OTULINL: variants seen among roughly 807,000 people sequenced by gnomAD.
The protein encoded by OTULINL is OTU deubiquitinase with linear linkage specificity like.
OTULINL carries 42 observed loss-of-function variants against 43.9 expected under a neutral mutation model. The observed-to-expected ratio is 0.96, with a 90% confidence interval of 0.75 to 1.24. The LOEUF is 1.24. Among genes scored for constraint, OTULINL ranks in the 50% most tolerant of loss-of-function variants. The pLI is 0.00. For synonymous variants in OTULINL, 172 were observed against 153.6 expected, an observed-to-expected ratio of 1.12 and a Z score of -0.88; for missense variants, 411 against 426.4, an observed-to-expected ratio of 0.96 and a Z score of 0.32.
At chr5:14,595,612 A>G (rs1371818227) in intron 1 of OTULINL, among the ~76,000 whole-genome samples, 5 of 144,474 alleles carry the variant, frequency 3.5e-5, no homozygotes, top group Non-Finnish European at 6.0e-5. Context: ...AAAAAACACT[A>G]AGTAGAATTT....
intron 1 of OTULINL, among the ~76,000 whole-genome samples, chr5:14,588,905 C>A (rs551076580): frequency 1.3e-5 from 2 of 152,258 alleles, no homozygotes; most frequent in South Asian, 4.1e-4. Flanking sequence ...CACCCAGGGA[C>A]GATGGAATGA....
rs187507258 is a variant in OTULINL, at chr5:14,601,616, G to C, written c.348+174G>C. ...AATGGCTGTTAGACCTTGGCTTTGGGCTTTTACCTGGAGCTCGTGCCCTCA... is the reference window on the plus strand; with the variant it reads ...AATGGCTGTTAGACCTTGGCTTTGGCCTTTTACCTGGAGCTCGTGCCCTCA... On this transcript the variant is annotated intron_variant, in intron 4 of 7. Coordinates refer to ENST00000274217, the MANE Select transcript of OTULINL (RefSeq NM_019018.3). Among the ~76,000 whole-genome samples the C allele has an allele frequency of 2.0e-4, 30 of 152,332 alleles. No individual in the cohort carries two copies. The East Asian group carries it at 5.8e-3, about 29-fold the overall frequency.
At position 14,610,261 on chromosome 5, in the gene OTULINL, G is replaced by A; in HGVS notation, c.1018G>A (p.Glu340Lys). The change falls in exon 8 of 8, where the codon GAG (glutamate) becomes AAG (lysine). Residue 340 changes from glutamate (E) to lysine (K), a missense_variant. Glu to Lys is a moderately conservative substitution (Grantham distance 56). Coordinates refer to ENST00000274217, the MANE Select transcript of OTULINL (RefSeq NM_019018.3). The part of the protein sequence containing the change: ...YPEEPLRDWP[E>K]ISLLTENDRH... ...AGAGGAGCCTCTCAGGGACTGGCCG[G>A]AGATCTCCCTGCTGACCGAGAACGA... is the stretch of plus-strand genomic sequence containing the variant. 2 of 1,613,800 alleles carry A rather than the reference G, an allele frequency of 1.2e-6. No homozygotes were observed. The highest frequency in any genetic ancestry group is 8.5e-7 in the Non-Finnish European group (1 of 1,180,020).
chr5:14,615,565 A>AG lies in OTULINL; in HGVS notation c.*5255dup, dbSNP rs1759660109. On this transcript the variant is annotated 3_prime_UTR_variant, in exon 8 of 8. Transcript: ENST00000274217. ...CCTTAAATAAAAAGGGCCAGAGATG[A>AG]GGGGACGCCTGGTGAAAATGGTGTT... Among the ~76,000 whole-genome samples, 1 of 152,184 alleles carries AG rather than the reference A, an allele frequency of 6.6e-6. No individual in the cohort carries two copies. Among genetic ancestry groups the AG allele is most frequent in the East Asian group, 1.9e-4 (1 of 5,198 alleles).
chr5:14,586,322 G>A (rs1168465799), intron 1 of OTULINL, among the ~76,000 whole-genome samples: 1 of 152,172 alleles, frequency 6.6e-6, no homozygotes. Flanking sequence ...TTTTATGCTA[G>A]TAATAGTCCA....
intron 1 of OTULINL, among the ~76,000 whole-genome samples, chr5:14,588,473 T>C (rs548577265): frequency 6.6e-6 from 1 of 152,210 alleles, no homozygotes; most frequent in African/African-American, 2.4e-5. Context: ...CATGGTGTAA[T>C]TAAGGGAAGA....
chr5:14,596,770 C>T (rs1759295041), intron 1 of OTULINL, among the ~76,000 whole-genome samples: 2 of 152,136 alleles, frequency 1.3e-5, no homozygotes, highest in Middle Eastern at 3.4e-3. Flanking sequence ...CTGGGGAGTC[C>T]AAGAGCACAG....
At chr5:14,584,171 G>A (rs1010296911) in intron 1 of OTULINL, among the ~76,000 whole-genome samples, 2 of 152,166 alleles carry the variant, frequency 1.3e-5, no homozygotes, top group African/African-American at 4.8e-5. Context: ...CAGGGAGAAT[G>A]TGTGCACCCC....
chr5:14,614,711 C>G lies in OTULINL; in HGVS notation c.*4397C>G, dbSNP rs1759642610. 1 of 398,546 alleles carries G rather than the reference C, an allele frequency of 2.5e-6. No homozygotes were observed. Among genetic ancestry groups the G allele is most frequent in the African/African-American group, 2.1e-5 (1 of 48,626 alleles). 24.7% of individuals were successfully genotyped at this position (398,546 alleles called of 1,614,324 possible). On this transcript the variant is annotated 3_prime_UTR_variant, in exon 8 of 8. Coordinates refer to ENST00000274217, the MANE Select transcript of OTULINL (RefSeq NM_019018.3). ...AGCTCATGGAATGTGTTGGAGGAGA[C>G]TCAAGCTCCATGTGGGAACAGTGTG... is the stretch of plus-strand genomic sequence containing the variant.
intron 7 of OTULINL, 105 bp downstream of exon 7, chr5:14,609,122 C>A: frequency 1.8e-6 from 2 of 1,137,252 alleles, no homozygotes; most frequent in Non-Finnish European, 1.3e-6. Context: ...TAAGCGATTG[C>A]ACAGAGGTGG....
At chr5:14,602,058 T>G in intron 4 of OTULINL, 125 bp from the exon 5 acceptor site, 1 of 670,452 alleles carries the variant, frequency 1.5e-6, no homozygotes, top group East Asian at 2.9e-5. Context: ...GTCATATTCG[T>G]AATTTATCAT....
chr5:14,597,955 G>A (rs539772323), intron 1 of OTULINL, among the ~76,000 whole-genome samples: 1 of 152,280 alleles, frequency 6.6e-6, no homozygotes, highest in Non-Finnish European at 1.5e-5. Flanking sequence ...GAGATTTGAG[G>A]GTAAGGGCAT....
At chr5:14,601,976 C>T (rs1007316984) in intron 4 of OTULINL, among the ~76,000 whole-genome samples, 4 of 152,178 alleles carry the variant, frequency 2.6e-5, no homozygotes, top group African/African-American at 4.8e-5. Context: ...GTGACCTTCC[C>T]TGGCTCTGCT....
chr5:14,607,893 C>T (rs1759509756), intron 6 of OTULINL, among the ~76,000 whole-genome samples: 1 of 152,172 alleles, frequency 6.6e-6, no homozygotes, highest in African/African-American at 2.4e-5. Context: ...TGAAATGAAT[C>T]CTGAGCCTAC....
In OTULINL at chr5:14,610,547, C is replaced by T; in HGVS notation, c.*233C>T. ...TGGGAGTTGGTGGCTTGACTTTGTC[C>T]ATAAGGGGCGTGGCCACTTCACATG... On this transcript the variant is annotated 3_prime_UTR_variant, in exon 8 of 8. Coordinates refer to ENST00000274217, the MANE Select transcript of OTULINL (RefSeq NM_019018.3). The T allele has an allele frequency of 2.3e-6, 1 of 442,242 alleles. No individual in the cohort carries two copies. Among genetic ancestry groups the T allele is most frequent in the Non-Finnish European group, 4.1e-6 (1 of 244,762 alleles). The allele number at this position is 442,242 out of a possible 1,614,324, so 27.4% of individuals were successfully genotyped here. A position where few individuals can be genotyped will look rare whatever the true frequency, so the allele number is the denominator to read the frequency against.
intron 1 of OTULINL, among the ~76,000 whole-genome samples, chr5:14,588,159 G>A (rs891162094): frequency 6.6e-6 from 1 of 152,128 alleles, no homozygotes; most frequent in Non-Finnish European, 1.5e-5. Flanking sequence ...GTAATGTTTT[G>A]AGTTTAGTTG....
chr5:14,610,014 G>T, intron 7 of OTULINL, 127 bp from the exon 8 acceptor site: 3 of 705,896 alleles, frequency 4.2e-6, no homozygotes, highest in Non-Finnish European at 7.3e-6. Context: ...CCACTCAGTG[G>T]TGTATGGGTG....
chr5:14,609,670 G>T (rs1188906089), intron 7 of OTULINL, among the ~76,000 whole-genome samples: 2 of 145,984 alleles, frequency 1.4e-5, no homozygotes, highest in Admixed American at 1.4e-4. Flanking sequence ...TCGTTCTGTC[G>T]CCCAGGCGGG....
Position 14,601,025 on chromosome 5 carries a change from G to A in OTULINL, c.125G>A (p.Arg42Lys), listed in dbSNP as rs1306068899. 6.2e-7 allele frequency: 1 copy of A among 1,610,984 alleles called. No homozygotes were observed. The highest frequency in any genetic ancestry group is 1.3e-5 in the African/African-American group (1 of 74,238). Residue 42 changes from arginine (R) to lysine (K), a missense_variant, in exon 2 of 8, where the codon AGA becomes AAA. Arg to Lys is a conservative substitution (Grantham distance 26). Coordinates refer to ENST00000274217, the MANE Select transcript of OTULINL (RefSeq NM_019018.3). ...AGCCAAGCCTTAGACACTGTCTGGAGAATGGCAAAAGGCTTTGTGATGTTG... is the reference window on the plus strand; with the variant it reads ...AGCCAAGCCTTAGACACTGTCTGGAAAATGGCAAAAGGCTTTGTGATGTTG... ...ATSQALDTVW[R>K]MAKGFVMLAV...
Sources: gnomAD v4.1 joint callset for allele counts (sites outside exome capture counted in the v4.1 genomes callset) on GRCh38, gnomAD v4.1.1 for gene constraint, MANE v1.5 for transcripts, NCBI Gene and HGNC (gene_info 2026-07-23, HGNC 2026-07-21) for gene names.